Variants in RBFOX1 observed in about 807,000 individuals in gnomAD.
The protein encoded by RBFOX1 is RNA binding protein fox-1 homolog 1.
In RBFOX1, 8 loss-of-function variants were observed where a neutral mutation model predicts 57.7. The observed-to-expected ratio is 0.14, with a 90% CI of 0.08 to 0.25. The LOEUF is 0.25. Ranked by LOEUF, RBFOX1 falls within the 10% of genes least tolerant of loss-of-function variation. The pLI, the probability that RBFOX1 is intolerant of heterozygous loss-of-function variation, is 1.00. For synonymous variants in RBFOX1, 326 were observed against 222.4 expected, an observed-to-expected ratio of 1.47 and a Z score of -4.15; for missense variants, 611 against 548.5, an observed-to-expected ratio of 1.11 and a Z score of -1.14.
chr16:7,421,187 G>A (rs2098539500), intron 4 of RBFOX1, among the ~76,000 whole-genome samples: 2 of 152,212 alleles, frequency 1.3e-5, no homozygotes, highest in South Asian at 4.1e-4. Flanking sequence ...GTAGAGCACA[G>A]TAGGAGAAGA....
chr16:7,632,274 A>G (rs1013583254), intron 11 of RBFOX1, among the ~76,000 whole-genome samples: 3 of 152,154 alleles, frequency 2.0e-5, no homozygotes, highest in African/African-American at 7.2e-5. Context: ...TGTGCCTCCC[A>G]AGAAGCCCAA....
chr16:7,094,218 G>A (rs943217191), intron 4 of RBFOX1, among the ~76,000 whole-genome samples: 1 of 151,978 alleles, frequency 6.6e-6, no homozygotes, highest in African/African-American at 2.4e-5. Flanking sequence ...TAGTTTCTGT[G>A]CAAACTTGTG....
In RBFOX1 at chr16:7,531,743, G is replaced by A. The variant is rs561204328; in HGVS notation, c.270+13354G>A. ...AAAACCCATTTTGTGTGATTACCCC[G>A]TTAGTAGTTTATTTTACCTAAATGA... On this transcript the variant is annotated intron_variant, in intron 5 of 15. Coordinates refer to ENST00000550418, the MANE Select transcript of RBFOX1 (RefSeq NM_018723.4). 1.1e-4 allele frequency among the ~76,000 whole-genome samples: 17 copies of A among 152,246 alleles called. No homozygotes were observed. In the South Asian group the frequency reaches 1.2e-3, roughly 11 times the overall value.
At chr16:6,745,143 A>G (rs2073271241) in intron 3 of RBFOX1, among the ~76,000 whole-genome samples, 2 of 152,264 alleles carry the variant, frequency 1.3e-5, no homozygotes, top group African/African-American at 2.4e-5. Flanking sequence ...GAAATAGATC[A>G]TCTGAATTTC....
At chr16:6,964,349 C>T (rs1013674512) in intron 3 of RBFOX1, among the ~76,000 whole-genome samples, 2 of 152,148 alleles carry the variant, frequency 1.3e-5, no homozygotes, top group Non-Finnish European at 2.9e-5. Context: ...AGTGAAAATA[C>T]TCTATGTGAC....
chr16:5,363,464 G>C (rs914187002), intron 1 of RBFOX1, among the ~76,000 whole-genome samples: 1 of 152,138 alleles, frequency 6.6e-6, no homozygotes, highest in African/African-American at 2.4e-5. Context: ...TCTAGCTTCA[G>C]TTGCAGGAGG....
At chr16:6,400,458 CTATA>C (rs2093023530) in intron 2 of RBFOX1, among the ~76,000 whole-genome samples, 1 of 152,100 alleles carries the variant, frequency 6.6e-6, no homozygotes, top group Non-Finnish European at 1.5e-5. Context: ...GAATGTATAG[CTATA>C]GATGCTGTAA....
chr16:6,443,350 G>T (rs1315189364), intron 2 of RBFOX1, among the ~76,000 whole-genome samples: 3 of 151,948 alleles, frequency 2.0e-5, no homozygotes, highest in Non-Finnish European at 2.9e-5. Flanking sequence ...AAACTAAAAT[G>T]CCCCTTGTTT....
intron 1 of RBFOX1, among the ~76,000 whole-genome samples, chr16:6,043,539 C>A (rs190279818): frequency 1.3e-5 from 2 of 152,260 alleles, no homozygotes; most frequent in African/African-American, 4.8e-5. Context: ...ATGCTGAAGT[C>A]AGTTGTGCCT....
chr16:5,770,009 G>C (rs1486528303), intron 3 of RBFOX1, among the ~76,000 whole-genome samples: 1 of 152,174 alleles, frequency 6.6e-6, no homozygotes, highest in African/African-American at 2.4e-5. Flanking sequence ...ACAGAGGGTG[G>C]AGGCAGATAG....
chr16:6,315,275 G>T (rs1205632608), intron 1 of RBFOX1, among the ~76,000 whole-genome samples: 1 of 152,004 alleles, frequency 6.6e-6, no homozygotes, highest in East Asian at 1.9e-4. Flanking sequence ...GGATGGATGG[G>T]TAGGTGGGTG....
At chr16:5,786,790 T>C (rs2054515775) in intron 3 of RBFOX1, among the ~76,000 whole-genome samples, 1 of 152,098 alleles carries the variant, frequency 6.6e-6, no homozygotes, top group South Asian at 2.1e-4. Flanking sequence ...GAGAAATTGG[T>C]GTTTGACCTC....
chr16:7,075,987 TC>T (rs1276811196), intron 4 of RBFOX1, among the ~76,000 whole-genome samples: 1 of 151,374 alleles, frequency 6.6e-6, no homozygotes, highest in Non-Finnish European at 1.5e-5. Flanking sequence ...TCCCTATTAG[TC>T]CCCTAAACTG....
chr16:7,469,732 C>T (rs561594896), intron 4 of RBFOX1, among the ~76,000 whole-genome samples: 3 of 152,180 alleles, frequency 2.0e-5, no homozygotes, highest in African/African-American at 4.8e-5. Flanking sequence ...GTGTACAATT[C>T]AGTAGCATTA....
At chr16:6,134,012 G>A (rs1000930433) in intron 1 of RBFOX1, among the ~76,000 whole-genome samples, 1 of 151,670 alleles carries the variant, frequency 6.6e-6, no homozygotes, top group Non-Finnish European at 1.5e-5. Flanking sequence ...TCTCGGTTCA[G>A]TGCAACCTCT....
At chr16:5,922,457 T>G (rs1282731231) in intron 4 of RBFOX1, among the ~76,000 whole-genome samples, 2 of 152,198 alleles carry the variant, frequency 1.3e-5, no homozygotes, top group African/African-American at 4.8e-5. Flanking sequence ...CTTGTCTTGC[T>G]GGAGCAAGGC....
intron 3 of RBFOX1, among the ~76,000 whole-genome samples, chr16:6,920,362 A>G (rs368671060): frequency 1.3e-5 from 2 of 152,296 alleles, no homozygotes; most frequent in African/African-American, 4.8e-5. Context: ...GTCATGATAC[A>G]ATCTCTCTCT....
In RBFOX1 at chr16:6,987,442, C is replaced by G. The variant is rs565634058; in HGVS notation, c.-15-64615C>G. ...CACTAGGCTTATCTCAGGACAGCAA[C>G]AGAAAACTTTTCAGACACACACACA... On this transcript the variant is annotated intron_variant, in intron 3 of 15. Coordinates refer to ENST00000550418, the MANE Select transcript of RBFOX1 (RefSeq NM_018723.4). Among the ~76,000 whole-genome samples the G allele has an allele frequency of 8.8e-5, 13 of 147,300 alleles. No homozygotes were observed. In the South Asian group the frequency reaches 2.8e-3, roughly 32 times the overall value.
intron 4 of RBFOX1, among the ~76,000 whole-genome samples, chr16:7,205,522 A>AT (rs1170713223): frequency 6.6e-6 from 1 of 151,862 alleles, no homozygotes; most frequent in African/African-American, 2.4e-5. Flanking sequence ...CAGGAAAAAA[A>AT]AAAAAAGAAA....
Sources: allele counts gnomAD v4.1 joint callset (sites outside exome capture counted in the v4.1 genomes callset), GRCh38; gene constraint gnomAD v4.1.1; transcripts MANE v1.5; gene names NCBI Gene and HGNC (gene_info 2026-07-23, HGNC 2026-07-21).